Variants in RAB31 observed in about 807,000 individuals in gnomAD.
The protein encoded by RAB31 is RAB31, member RAS oncogene family, also known as ras-related protein Rab-31.
RAB31 carries 21 observed loss-of-function variants against 25.6 expected under a neutral mutation model. That is an observed-to-expected ratio of 0.82 (90% CI 0.58 to 1.18). RAB31 has a LOEUF of 1.18. Among genes scored for constraint, RAB31 ranks in the 50% most tolerant of loss-of-function variants. The pLI, the probability that RAB31 is intolerant of heterozygous loss-of-function variation, is 0.00. For synonymous variants in RAB31, 87 were observed against 84.0 expected, an observed-to-expected ratio of 1.04 and a Z score of -0.20; for missense variants, 196 against 250.1, an observed-to-expected ratio of 0.78 and a Z score of 1.46.
intron 3 of RAB31, among the ~76,000 whole-genome samples, chr18:9,800,343 T>C (rs545013920): frequency 2.6e-5 from 4 of 152,316 alleles, no homozygotes; most frequent in Non-Finnish European, 5.9e-5. Context: ...TCCACCGTGC[T>C]ATACTTTTAC....
chr18:9,819,369 G>A (rs1229794560), intron 5 of RAB31, among the ~76,000 whole-genome samples: 4 of 152,220 alleles, frequency 2.6e-5, no homozygotes. Flanking sequence ...TTGCCCAAAA[G>A]CAGTCAACCA....
At chr18:9,710,006 A>G (rs192686959) in intron 1 of RAB31, among the ~76,000 whole-genome samples, 4 of 152,226 alleles carry the variant, frequency 2.6e-5, no homozygotes, top group Non-Finnish European at 2.9e-5. Context: ...GAAATAGGAC[A>G]TATTTTTGCC....
intron 2 of RAB31, among the ~76,000 whole-genome samples, chr18:9,784,220 G>A (rs949587265): frequency 6.3e-5 from 9 of 143,614 alleles, no homozygotes; most frequent in Non-Finnish European, 1.1e-4. Context: ...TTTTTCTTTT[G>A]TAGAGCCAGG....
Position 9,762,030 on chromosome 18 carries a change from A to C in RAB31, c.40-13248A>C, listed in dbSNP as rs188351891. Among the ~76,000 whole-genome samples the C allele has an allele frequency of 2.4e-3, 358 of 151,946 alleles. 1 individual carries two copies. Among genetic ancestry groups the C allele is most frequent in the Non-Finnish European group, 3.4e-3 (233 of 67,940 alleles). On this transcript the variant is annotated intron_variant, in intron 1 of 6. Coordinates refer to ENST00000578921, the MANE Select transcript of RAB31 (RefSeq NM_006868.4). The stretch of plus-strand genomic sequence containing the variant: ...ACCATGTTGGCCAGGGTTGTCTCAA[A>C]CTCCTGAGCTCAGGTGATCCACCTG...
intron 1 of RAB31, among the ~76,000 whole-genome samples, chr18:9,729,906 C>T (rs2068114133): frequency 1.3e-5 from 2 of 152,160 alleles, no homozygotes; most frequent in South Asian, 2.1e-4. Flanking sequence ...ATGTACTTCT[C>T]ACACACTGCA....
Position 9,766,393 on chromosome 18 carries a change from G to A in RAB31, c.40-8885G>A, listed in dbSNP as rs923523616. Among the ~76,000 whole-genome samples the A allele has an allele frequency of 1.3e-5, 2 of 152,044 alleles. No homozygotes were observed. The highest frequency in any genetic ancestry group is 2.9e-5 in the Non-Finnish European group (2 of 68,006). Reference sequence around the variant, plus strand: ...TACTATGCACTGCCTTCGCTTGCAGGCATCTCCACACAAGGACCTGCCTGG... The same window carrying A: ...TACTATGCACTGCCTTCGCTTGCAGACATCTCCACACAAGGACCTGCCTGG... On this transcript the variant is annotated intron_variant, in intron 1 of 6. Coordinates refer to ENST00000578921, the MANE Select transcript of RAB31 (RefSeq NM_006868.4). The surrounding 1 kb of genome is among the most constrained non-coding windows in gnomAD (Gnocchi z 4.3).
At chr18:9,753,532 T>C (rs2068245769) in intron 1 of RAB31, among the ~76,000 whole-genome samples, 2 of 152,216 alleles carry the variant, frequency 1.3e-5, no homozygotes. Flanking sequence ...ATTACTTTTC[T>C]TTATAAATTA....
intron 1 of RAB31, among the ~76,000 whole-genome samples, chr18:9,759,100 A>G (rs1478243929): frequency 6.6e-6 from 1 of 152,130 alleles, no homozygotes; most frequent in Non-Finnish European, 1.5e-5. Context: ...ATAGACGTTC[A>G]GACATGAGGA....
intron 1 of RAB31, among the ~76,000 whole-genome samples, chr18:9,723,987 T>G (rs1297309400): frequency 1.3e-5 from 2 of 152,174 alleles, no homozygotes; most frequent in African/African-American, 4.8e-5. Flanking sequence ...TGTGTAATAT[T>G]GTATAATCAA....
At chr18:9,771,217 A>T (rs1189133525) in intron 1 of RAB31, among the ~76,000 whole-genome samples, 1 of 152,136 alleles carries the variant, frequency 6.6e-6, no homozygotes, top group Non-Finnish European at 1.5e-5. Flanking sequence ...AAGTTGATTT[A>T]ACCTAGTGAG....
At chr18:9,730,670 A>G (rs1460799923) in intron 1 of RAB31, among the ~76,000 whole-genome samples, 1 of 152,170 alleles carries the variant, frequency 6.6e-6, no homozygotes, top group Non-Finnish European at 1.5e-5. Flanking sequence ...CTCTTTCCTG[A>G]TTACCAGCAT....
At chr18:9,781,003 A>G (rs546050164) in intron 2 of RAB31, among the ~76,000 whole-genome samples, 7 of 152,230 alleles carry the variant, frequency 4.6e-5, no homozygotes, top group Non-Finnish European at 7.3e-5. Flanking sequence ...CTCGTTGGGC[A>G]TAGATACCCA....
intron 2 of RAB31, among the ~76,000 whole-genome samples, chr18:9,777,466 G>T (rs559635642): frequency 2.6e-5 from 4 of 152,284 alleles, no homozygotes; most frequent in African/African-American, 9.6e-5. Context: ...AGATGTGCAC[G>T]TTGTGAGAGA....
intron 1 of RAB31, among the ~76,000 whole-genome samples, chr18:9,740,906 T>C (rs1414104888): frequency 6.6e-6 from 1 of 152,126 alleles, no homozygotes; most frequent in East Asian, 1.9e-4. Context: ...GGGGCTTTGA[T>C]ATGTCAGCAG....
intron 3 of RAB31, among the ~76,000 whole-genome samples, chr18:9,792,620 C>T (rs2068466700): frequency 6.6e-6 from 1 of 152,194 alleles, no homozygotes; most frequent in African/African-American, 2.4e-5. Flanking sequence ...TTTTTAGCAA[C>T]TACTGGCTGA....
intron 1 of RAB31, among the ~76,000 whole-genome samples, chr18:9,745,171 A>T (rs1405972181): frequency 2.0e-5 from 3 of 152,250 alleles, no homozygotes; most frequent in African/African-American, 7.2e-5. Context: ...GAATACTATG[A>T]TCACTTGTAA....
intron 1 of RAB31, among the ~76,000 whole-genome samples, chr18:9,712,717 G>A (rs2068023729): frequency 6.6e-6 from 1 of 151,434 alleles, no homozygotes; most frequent in Non-Finnish European, 1.5e-5. Context: ...ATCTCCTTGG[G>A]GTATTTGTGT....
Position 9,862,168 on chromosome 18 carries a change from G to A in RAB31, c.*2843G>A, listed in dbSNP as rs1432117721. ...GTGGTGGCTGAAACTGAGCTTTTTT[G>A]TGTGGGCTCCAGTTCTCACTGTTCT... On this transcript the variant is annotated 3_prime_UTR_variant, in exon 7 of 7. Transcript: ENST00000578921. 6.6e-6 allele frequency: 1 copy of A among 152,336 alleles called. No individual in the cohort carries two copies. Among genetic ancestry groups the A allele is most frequent in the Admixed American group, 6.5e-5 (1 of 15,282 alleles). The allele number at this position is 152,336 out of a possible 1,614,324, so 9.4% of individuals were successfully genotyped here.
chr18:9,773,667 A>G (rs552911329), intron 1 of RAB31, among the ~76,000 whole-genome samples: 1 of 152,164 alleles, frequency 6.6e-6, no homozygotes, highest in East Asian at 1.9e-4. Flanking sequence ...TTTTTAATAT[A>G]TATATTTTTT....
Sources: allele counts gnomAD v4.1 joint callset (sites outside exome capture counted in the v4.1 genomes callset), GRCh38; gene constraint gnomAD v4.1.1; non-coding constraint Gnocchi (gnomAD v3.1); transcripts MANE v1.5; gene names NCBI Gene and HGNC (gene_info 2026-07-23, HGNC 2026-07-21).